The following INPP5A variants were observed in gnomAD, a reference collection of about 807,000 sequenced individuals.
The protein encoded by INPP5A is 43 kDa inositol polyphosphate 5-phophatase.
INPP5A carries 14 observed loss-of-function variants against 65.2 expected under a neutral mutation model. The ratio of observed to expected loss-of-function variants is 0.21; its 90% CI spans 0.14 to 0.34. INPP5A has a LOEUF of 0.34. INPP5A is among the 10% of genes least tolerant of loss of function. INPP5A has a pLI of 1.00. For synonymous variants in INPP5A, 207 were observed against 208.3 expected (o/e 0.99, Z 0.05); for missense variants, 431 against 545.6 (o/e 0.79, Z 2.09).
intron 4 of INPP5A, among the ~76,000 whole-genome samples, chr10:132,684,210 G>C (rs545403126): frequency 6.6e-6 from 1 of 152,066 alleles, no homozygotes; most frequent in Non-Finnish European, 1.5e-5. Context: ...TCTATCATAG[G>C]AATATTTCAA....
At chr10:132,673,031 C>T (rs745596100) in intron 4 of INPP5A, among the ~76,000 whole-genome samples, 13 of 152,158 alleles carry the variant, frequency 8.5e-5, no homozygotes, top group Admixed American at 5.2e-4. Flanking sequence ...TACTATGGGA[C>T]GCCCTAATGG....
rs2072934961 is a variant in INPP5A, at chr10:132,674,358, C to G, written c.307-16034C>G. ...ACAAGCGGGTGCACTGCTTGAAGTT[C>G]TGCCCACTGGGAAGATTTCCCTTCA... is the stretch of plus-strand genomic sequence containing the variant. On this transcript the variant is annotated intron_variant, in intron 4 of 15. Coordinates refer to ENST00000368594, the MANE Select transcript of INPP5A (RefSeq NM_005539.5). The surrounding 1 kb of genome is among the most constrained non-coding windows in gnomAD (Gnocchi z 4.4). 6.6e-6 allele frequency among the ~76,000 whole-genome samples: 1 copy of G among 152,234 alleles called. No individual in the cohort carries two copies. Among genetic ancestry groups the G allele is most frequent in the Non-Finnish European group, 1.5e-5 (1 of 68,050 alleles).
At chr10:132,608,635 A>G (rs2071896260) in intron 2 of INPP5A, among the ~76,000 whole-genome samples, 1 of 152,144 alleles carries the variant, frequency 6.6e-6, no homozygotes, top group Admixed American at 6.5e-5. Context: ...GAGGCCAGGC[A>G]GGCGAGGAGG....
intron 5 of INPP5A, among the ~76,000 whole-genome samples, chr10:132,693,411 T>A (rs1252349198): frequency 6.6e-6 from 1 of 152,162 alleles, no homozygotes; most frequent in Non-Finnish European, 1.5e-5. Context: ...CCCAACTATA[T>A]GTTGTCTTCT....
intron 1 of INPP5A, among the ~76,000 whole-genome samples, chr10:132,588,583 G>A (rs1379120428): frequency 2.0e-5 from 3 of 152,256 alleles, no homozygotes; most frequent in African/African-American, 7.2e-5. Flanking sequence ...TCAGCAGCAC[G>A]GCCCTGGGTT....
chr10:132,695,699 G>A (rs969795199), intron 5 of INPP5A, among the ~76,000 whole-genome samples: 1 of 152,198 alleles, frequency 6.6e-6, no homozygotes, highest in Admixed American at 6.5e-5. Flanking sequence ...TTCCTGTGTA[G>A]CAGCAATGAA....
chr10:132,782,163 A>G lies in INPP5A; in HGVS notation c.*134A>G, dbSNP rs932732878. On this transcript the variant is annotated 3_prime_UTR_variant, in exon 16 of 16. Coordinates refer to ENST00000368594, the MANE Select transcript of INPP5A (RefSeq NM_005539.5). The surrounding 1 kb of genome is among the most constrained non-coding windows in gnomAD (Gnocchi z 4.4). ...CCACCTGCTAGACGGCCAGCCCCACACTTCGCTTCAGCCTCCGGACCATTC... is the reference window on the plus strand; with the variant it reads ...CCACCTGCTAGACGGCCAGCCCCACGCTTCGCTTCAGCCTCCGGACCATTC... 11 of 1,447,708 alleles carry G rather than the reference A, an allele frequency of 7.6e-6. No individual in the cohort carries two copies. Among genetic ancestry groups the G allele is most frequent in the Non-Finnish European group, 4.7e-6 (5 of 1,066,554 alleles). 89.7% of individuals were successfully genotyped at this position (1,447,708 alleles called of 1,614,324 possible).
chr10:132,626,300 G>A (rs768163288), intron 2 of INPP5A, among the ~76,000 whole-genome samples: 6 of 152,252 alleles, frequency 3.9e-5, no homozygotes, highest in Non-Finnish European at 7.3e-5. Flanking sequence ...CAAAGCTGCC[G>A]TGCATGTGGA....
chr10:132,554,979 C>G (rs1459699158), intron 1 of INPP5A, among the ~76,000 whole-genome samples: 2 of 142,154 alleles, frequency 1.4e-5, no homozygotes, highest in African/African-American at 5.4e-5. Flanking sequence ...ATGATTGGCA[C>G]TGATGTGGGT....
At chr10:132,581,719 T>A (rs904047435) in intron 1 of INPP5A, among the ~76,000 whole-genome samples, 1 of 152,158 alleles carries the variant, frequency 6.6e-6, no homozygotes, top group Non-Finnish European at 1.5e-5. Flanking sequence ...TTTTGCCCAT[T>A]TTTTTTGAGT....
intron 11 of INPP5A, among the ~76,000 whole-genome samples, chr10:132,761,935 G>A (rs1433919208): frequency 6.6e-6 from 1 of 151,946 alleles, no homozygotes; most frequent in Non-Finnish European, 1.5e-5. Flanking sequence ...AGAAACATAA[G>A]TACCACACTA....
At chr10:132,703,650 G>A (rs1226000030) in intron 6 of INPP5A, among the ~76,000 whole-genome samples, 1 of 58,406 alleles carries the variant, frequency 1.7e-5, no homozygotes, top group Non-Finnish European at 3.2e-5. Context: ...CTTCATCCCC[G>A]CACACCCCCA....
In INPP5A at chr10:132,727,015, G is replaced by A. The variant is rs540683931; in HGVS notation, c.732+110G>A. 1.2e-5 allele frequency: 8 copies of A among 659,024 alleles called. No homozygotes were observed. Among genetic ancestry groups the A allele is most frequent in the African/African-American group, 5.5e-5 (3 of 54,638 alleles). 40.8% of individuals were successfully genotyped at this position (659,024 alleles called of 1,614,324 possible). ...GCACTTTCAATGCCATCCGCCTCCCGGGATGCACTTTTTAAGGCAAAACCT... is the reference window on the plus strand; with the variant it reads ...GCACTTTCAATGCCATCCGCCTCCCAGGATGCACTTTTTAAGGCAAAACCT... On this transcript the variant is annotated intron_variant, in intron 9 of 15. Transcript: ENST00000368594. The surrounding 1 kb of genome is among the most constrained non-coding windows in gnomAD (Gnocchi z 6.5).
rs2071053432 is a variant in INPP5A, at chr10:132,551,751, A to C, written c.75+13580A>C. Among the ~76,000 whole-genome samples, 1 of 152,156 alleles carries C rather than the reference A, an allele frequency of 6.6e-6. No homozygotes were observed. The highest frequency in any genetic ancestry group is 2.1e-4 in the South Asian group (1 of 4,830). On this transcript the variant is annotated intron_variant, in intron 1 of 15. Transcript: ENST00000368594. The surrounding 1 kb of genome is among the most constrained non-coding windows in gnomAD (Gnocchi z 5.3). ...GGGACGTGGGGTGGGAATGGGCCTG[A>C]CCAGCTAGGGAACAGAGGCAGGACC...
intron 2 of INPP5A, among the ~76,000 whole-genome samples, chr10:132,610,198 A>G (rs1343314463): frequency 6.6e-6 from 1 of 152,118 alleles, no homozygotes; most frequent in African/African-American, 2.4e-5. Flanking sequence ...CTTCTGCCTC[A>G]TGGAGGGGCA....
chr10:132,719,456 C>G (rs1845817532), intron 8 of INPP5A, among the ~76,000 whole-genome samples: 1 of 150,014 alleles, frequency 6.7e-6, no homozygotes, highest in African/African-American at 2.5e-5. Flanking sequence ...TGGGTTCTGT[C>G]TGGGCACCTT....
rs1389405614 is a variant in INPP5A, at chr10:132,546,370, A to G, written c.75+8199A>G. 6.7e-6 allele frequency among the ~76,000 whole-genome samples: 1 copy of G among 149,878 alleles called. No homozygotes were observed. Among genetic ancestry groups the G allele is most frequent in the Admixed American group, 6.7e-5 (1 of 14,928 alleles). On this transcript the variant is annotated intron_variant, in intron 1 of 15. Coordinates refer to ENST00000368594, the MANE Select transcript of INPP5A (RefSeq NM_005539.5). The surrounding 1 kb of genome is among the most constrained non-coding windows in gnomAD (Gnocchi z 5.7). ...CCCCGTTGTGAGTGAGAACAGCCCC[A>G]CCTCCAGGAGCATGGCCTCCGGATC...
chr10:132,650,966 G>T lies in INPP5A; in HGVS notation c.306+461G>T, dbSNP rs370408530. 3.7e-4 allele frequency among the ~76,000 whole-genome samples: 56 copies of T among 152,298 alleles called. No individual in the cohort carries two copies. Among genetic ancestry groups the T allele is most frequent in the African/African-American group, 1.3e-3 (54 of 41,556 alleles). ...CGGTGTCCTGCCTCGGAGAGAGGCTGTTCCTCAGGGTGAGCACAGGGGGAG... is the reference window on the plus strand; with the variant it reads ...CGGTGTCCTGCCTCGGAGAGAGGCTTTTCCTCAGGGTGAGCACAGGGGGAG... On this transcript the variant is annotated intron_variant, in intron 4 of 15. Coordinates refer to ENST00000368594, the MANE Select transcript of INPP5A (RefSeq NM_005539.5). This position sits in a 1 kb window ranked among gnomAD's most constrained non-coding sequence, Gnocchi z 5.5.
rs1590877837 is a variant in INPP5A, at chr10:132,627,759, G to A, written c.118-18109G>A. 6.6e-6 allele frequency among the ~76,000 whole-genome samples: 1 copy of A among 152,132 alleles called. No homozygotes were observed. Among genetic ancestry groups the A allele is most frequent in the Non-Finnish European group, 1.5e-5 (1 of 68,018 alleles). ...GATGCCACAGGGCCTCCTCTTCCCC[G>A]TGAAAAGCTTCAGACTTTCTTCATC... On this transcript the variant is annotated intron_variant, in intron 2 of 15. Transcript: ENST00000368594. This position sits in a 1 kb window ranked among gnomAD's most constrained non-coding sequence, Gnocchi z 6.6.
Sources: allele counts gnomAD v4.1 joint callset (sites outside exome capture counted in the v4.1 genomes callset), GRCh38; gene constraint gnomAD v4.1.1; non-coding constraint Gnocchi (gnomAD v3.1); transcripts MANE v1.5; gene names NCBI Gene and HGNC (gene_info 2026-07-23, HGNC 2026-07-21).